AGBL1: variants seen among roughly 807,000 people sequenced by gnomAD.
AGBL1 encodes the protein cytosolic carboxypeptidase 4.
Under a neutral mutation model 118.9 loss-of-function variants are expected in AGBL1, and 130 were observed. The observed-to-expected ratio is 1.09, with a 90% CI of 0.95 to 1.26. The LOEUF (loss-of-function observed/expected upper bound fraction) is 1.26. Ranked by LOEUF, AGBL1 falls within the 50% of genes most tolerant of loss-of-function variation. The pLI is 0.00. For synonymous variants in AGBL1, 555 were observed against 478.9 expected (o/e 1.16, Z -2.08); for missense variants, 1,584 against 1,298.1 (o/e 1.22, Z -3.38).
chr15:86,896,309 A>C (rs2080124939), intron 22 of AGBL1, among the ~76,000 whole-genome samples: 1 of 151,388 alleles, frequency 6.6e-6, no homozygotes, highest in Admixed American at 6.6e-5. Context: ...TTATTTCCTC[A>C]TTTGACTTAT....
At chr15:86,758,163 G>T (rs538298548) in intron 22 of AGBL1, among the ~76,000 whole-genome samples, 4 of 151,986 alleles carry the variant, frequency 2.6e-5, no homozygotes, top group Non-Finnish European at 5.9e-5. Context: ...CCACTCTCCT[G>T]TGCCTTCCCC....
intron 17 of AGBL1, among the ~76,000 whole-genome samples, chr15:86,394,831 G>C (rs1182030634): frequency 6.6e-6 from 1 of 152,058 alleles, no homozygotes; most frequent in African/African-American, 2.4e-5. Context: ...TTTCCAGAAG[G>C]ACTCACACTC....
At chr15:86,492,854 G>A (rs530903043) in intron 18 of AGBL1, among the ~76,000 whole-genome samples, 1 of 152,184 alleles carries the variant, frequency 6.6e-6, no homozygotes, top group East Asian at 1.9e-4. Context: ...TAACATTCAG[G>A]AGGTGAAGAG....
rs1472669191 is a variant in AGBL1 at position 86,636,719 on chromosome 15, A to G, written c.2995-37554A>G. ...CCACCAGTCATATATATATATATAT[A>G]TATATATATATATATATATATATAT... On this transcript the variant is annotated intron_variant, in intron 21 of 22. Coordinates refer to ENST00000614907, the MANE Select transcript of AGBL1 (RefSeq NM_001386094.1). Among the ~76,000 whole-genome samples, 38 of 29,136 alleles carry G rather than the reference A, an allele frequency of 1.3e-3. No individual in the cohort carries two copies. In the East Asian group the frequency reaches 0.076, roughly 59 times the overall value. The allele number at this position is 29,136 out of a possible 152,430, so 19.1% of individuals were successfully genotyped here. A position where few individuals can be genotyped will look rare whatever the true frequency, so the allele number is the denominator to read the frequency against.
intron 22 of AGBL1, among the ~76,000 whole-genome samples, chr15:86,715,451 C>T (rs2086623187): frequency 6.6e-6 from 1 of 152,040 alleles, no homozygotes; most frequent in South Asian, 2.1e-4. Flanking sequence ...TAAGAATTCA[C>T]AGATTTTTAA....
intron 24 of AGBL1, among the ~76,000 whole-genome samples, chr15:86,999,324 A>C (rs2081411443): frequency 6.7e-6 from 1 of 149,880 alleles, no homozygotes; most frequent in Non-Finnish European, 1.5e-5. Flanking sequence ...GCACCCACTA[A>C]CTCGTCATCT....
chr15:86,928,872 ATAAT>A (rs1358787482), intron 23 of AGBL1, among the ~76,000 whole-genome samples: 3 of 71,984 alleles, frequency 4.2e-5, no homozygotes, highest in Admixed American at 1.4e-4. Flanking sequence ...TCACATTTTA[ATAAT>A]TTATTTTTTA....
intron 21 of AGBL1, among the ~76,000 whole-genome samples, chr15:86,647,407 T>C (rs2085299434): frequency 6.6e-6 from 1 of 152,172 alleles, no homozygotes; most frequent in Non-Finnish European, 1.5e-5. Flanking sequence ...TTAGAAAATA[T>C]GTAAAATATC....
chr15:86,163,463 C>T (rs2077295048), intron 5 of AGBL1, among the ~76,000 whole-genome samples: 1 of 152,164 alleles, frequency 6.6e-6, no homozygotes, highest in South Asian at 2.1e-4. Context: ...TATTGTGGCT[C>T]ATGCCTGTAA....
chr15:86,973,577 C>T (rs1202445270), intron 23 of AGBL1, among the ~76,000 whole-genome samples: 1 of 151,876 alleles, frequency 6.6e-6, no homozygotes, highest in Non-Finnish European at 1.5e-5. Flanking sequence ...AGCATCTCTT[C>T]AGCACCTAAA....
intron 22 of AGBL1, among the ~76,000 whole-genome samples, chr15:86,724,638 AT>A (rs1392523569): frequency 6.6e-5 from 10 of 152,188 alleles, no homozygotes; most frequent in African/African-American, 2.4e-4. Context: ...TAATTTGAAT[AT>A]TTGTTCCCTC....
At chr15:86,169,709 CAT>C (rs2141747310) in intron 5 of AGBL1, among the ~76,000 whole-genome samples, 1 of 152,314 alleles carries the variant, frequency 6.6e-6, no homozygotes, top group East Asian at 1.9e-4. Context: ...AAAATCTGTT[CAT>C]ATTCAGCACA....
At chr15:86,660,151 T>C (rs1483982986) in intron 21 of AGBL1, among the ~76,000 whole-genome samples, 2 of 151,828 alleles carry the variant, frequency 1.3e-5, no homozygotes, top group Non-Finnish European at 2.9e-5. Context: ...CTGCAGAAAA[T>C]GTCAGTTTTC....
chr15:86,802,708 G>T (rs2078667255), intron 22 of AGBL1, among the ~76,000 whole-genome samples: 1 of 152,080 alleles, frequency 6.6e-6, no homozygotes, highest in African/African-American at 2.4e-5. Context: ...TCTCAATATT[G>T]TGCTATAAAT....
chr15:86,740,703 T>A (rs1349409824), intron 22 of AGBL1, among the ~76,000 whole-genome samples: 1 of 152,030 alleles, frequency 6.6e-6, no homozygotes, highest in African/African-American at 2.4e-5. Context: ...GATGAATGAG[T>A]GTTGGACAGA....
chr15:86,323,356 T>C (rs1215127922), intron 17 of AGBL1, among the ~76,000 whole-genome samples: 2 of 151,974 alleles, frequency 1.3e-5, no homozygotes, highest in Admixed American at 6.6e-5. Context: ...TCCATAATTA[T>C]GTAAATAACC....
intron 7 of AGBL1, among the ~76,000 whole-genome samples, chr15:86,255,892 G>A (rs1874484541): frequency 1.3e-5 from 2 of 152,224 alleles, no homozygotes; most frequent in South Asian, 2.1e-4. Flanking sequence ...GGAAGTACCT[G>A]TAATGTTGAG....
intron 15 of AGBL1, 66 bp from the exon 16 acceptor site, chr15:86,279,573 T>C: frequency 6.6e-7 from 1 of 1,511,310 alleles, no homozygotes; most frequent in Non-Finnish European, 9.1e-7. Context: ...TCTAGGACCC[T>C]AAATGACCCT....
At position 86,722,614 on chromosome 15, in the gene AGBL1, A is replaced by AAT. The variant is rs765982948; in HGVS notation, c.3158+48179_3158+48180insTA. ...AGGCATGGGCAAGGACTTCCTGTCTAAAACACCAAAAGCAATGGCAACAAA... is the reference window on the plus strand; with the variant it reads ...AGGCATGGGCAAGGACTTCCTGTCTAATAAACACCAAAAGCAATGGCAACAAA... On this transcript the variant is annotated intron_variant, in intron 22 of 22. Transcript: ENST00000614907. 5.3e-3 allele frequency among the ~76,000 whole-genome samples: 812 copies of AAT among 152,356 alleles called. 2 individuals carry two copies. Among genetic ancestry groups the AAT allele is most frequent in the Non-Finnish European group, 9.2e-3 (629 of 68,036 alleles).
Sources: gnomAD v4.1 joint callset for allele counts (sites outside exome capture counted in the v4.1 genomes callset) on GRCh38, gnomAD v4.1.1 for gene constraint, MANE v1.5 for transcripts, NCBI Gene and HGNC (gene_info 2026-07-23, HGNC 2026-07-21) for gene names.